Variants in BPIFA1 observed in about 807,000 individuals in gnomAD.
BPIFA1 encodes the protein BPI fold containing family A member 1, also known as BPI fold-containing family A member 1.
In BPIFA1, 24 loss-of-function variants were observed where a neutral mutation model predicts 25.1. The observed-to-expected ratio is 0.96, with a 90% CI of 0.69 to 1.35. BPIFA1 has a LOEUF of 1.35. Ranked by LOEUF, BPIFA1 falls within the 40% of genes most tolerant of loss-of-function variation. BPIFA1 has a pLI of 0.00. For synonymous variants in BPIFA1, 139 were observed against 131.8 expected, an observed-to-expected ratio of 1.05 and a Z score of -0.37; for missense variants, 344 against 303.7, an observed-to-expected ratio of 1.13 and a Z score of -0.99.
At chr20:33,241,590 T>C in intron 6 of BPIFA1, 121 bp downstream of exon 6, 4 of 846,472 alleles carry the variant, frequency 4.7e-6, no homozygotes, top group Non-Finnish European at 8.0e-6. Flanking sequence ...CATTCATCAA[T>C]CTATTTGTCC....
At chr20:33,239,076 C>T (rs142414631) in intron 3 of BPIFA1, among the ~76,000 whole-genome samples, 309 of 152,298 alleles carry the variant, frequency 2.0e-3, no homozygotes, top group African/African-American at 7.1e-3. Flanking sequence ...GGCGCAGTGG[C>T]TGGCTCAGTG....
intron 7 of BPIFA1, 96 bp downstream of exon 7, chr20:33,242,215 C>A: frequency 7.8e-7 from 1 of 1,280,106 alleles, no homozygotes; most frequent in East Asian, 2.3e-5. Flanking sequence ...TACTAGGTCC[C>A]TCTGGCCTCA....
In BPIFA1 at chr20:33,239,835, T is replaced by G; in HGVS notation, c.353T>G (p.Leu118Arg). ...IKVTDPQLLE[L>R]GLVQSPDGHR... Reference sequence around the variant, plus strand: ...GTCACTGACCCCCAGCTGCTGGAACTTGGCCTTGTGCAGAGCCCTGATGGC... The same window carrying G: ...GTCACTGACCCCCAGCTGCTGGAACGTGGCCTTGTGCAGAGCCCTGATGGC... The change falls in exon 4 of 9, where the codon CTT (leucine) becomes CGT (arginine). Residue 118 changes from leucine (L) to arginine (R), a missense_variant. Physicochemically the swap from Leu to Arg is moderately radical, Grantham distance 102. Transcript: ENST00000354297. The G allele has an allele frequency of 1.2e-6, 2 of 1,614,226 alleles. No homozygotes were observed.
chr20:33,239,010 T>C (rs1978829469), intron 3 of BPIFA1, among the ~76,000 whole-genome samples: 1 of 152,120 alleles, frequency 6.6e-6, no homozygotes, highest in Admixed American at 6.5e-5. Context: ...AAAATATAGA[T>C]TATAGAACCC....
In BPIFA1 at chr20:33,241,373, T is replaced by C. The variant is rs374734372; in HGVS notation, c.582-12T>C. ...CCAGGTCCCTGCATCACCCATGACT[T>C]TTCTCTTTCAGACTTGGCCCCCTCC... On this transcript the variant is annotated splice_polypyrimidine_tract_variant and intron_variant, in intron 5 of 8. Coordinates refer to ENST00000354297, the MANE Select transcript of BPIFA1 (RefSeq NM_130852.3). 1.9e-6 allele frequency: 3 copies of C among 1,608,810 alleles called. No individual in the cohort carries two copies. The highest frequency in any genetic ancestry group is 1.7e-6 in the Non-Finnish European group (2 of 1,175,186).
rs1466147372 is a variant in BPIFA1 at position 33,238,285 on chromosome 20, AG to A, written c.320+72del. 1.9e-3 allele frequency: 1,662 copies of A among 863,460 alleles called. 19 individuals carry two copies. In the African/African-American group the frequency reaches 0.044, roughly 23 times the overall value. The allele number at this position is 863,460 out of a possible 1,614,324, so 53.5% of individuals were successfully genotyped here. A position where few individuals can be genotyped will look rare whatever the true frequency, so the allele number is the denominator to read the frequency against. ...AGGTGAAGATCTGCCAGCCCCAGGC[AG>A]TGACCCTGAAGCAGCGACCCTGAAG... On this transcript the variant is annotated intron_variant, in intron 3 of 8. Transcript: ENST00000354297.
intron 3 of BPIFA1, 132 bp from the exon 4 acceptor site, chr20:33,239,671 A>T (rs1978859524): frequency 1.2e-6 from 1 of 857,714 alleles, no homozygotes. Flanking sequence ...AGGCTGCAAG[A>T]CTCCCCTCCC....
chr20:33,242,305 C>T (rs543487984), intron 7 of BPIFA1, among the ~76,000 whole-genome samples, 182 bp from the exon 8 acceptor site: 3 of 152,268 alleles, frequency 2.0e-5, no homozygotes, highest in South Asian at 4.1e-4. Context: ...CTGCCTCAGC[C>T]CTGACACTGA....
In BPIFA1 at chr20:33,242,084, G is replaced by A; in HGVS notation, c.695G>A (p.Arg232Lys). Residue 232 changes from arginine to lysine, a missense_variant, in exon 7 of 9, where the codon AGA (arginine) becomes AAA (lysine). Physicochemically the swap from Arg to Lys is conservative, Grantham distance 26. Transcript: ENST00000354297. ...NVCPLVNEVL[R>K]GLDITLVHDI... ...TGCCCTCTGGTCAATGAGGTTCTCA[G>A]AGGCTTGGACATCACCCTGGTGCAT... is the stretch of plus-strand genomic sequence containing the variant. 6.2e-7 allele frequency: 1 copy of A among 1,614,176 alleles called. No individual in the cohort carries two copies. Among genetic ancestry groups the A allele is most frequent in the East Asian group, 2.2e-5 (1 of 44,886 alleles).
Position 33,242,197 on chromosome 20 carries a change from C to T in BPIFA1, c.730+78C>T, listed in dbSNP as rs903796893. On this transcript the variant is annotated intron_variant, in intron 7 of 8. Transcript: ENST00000354297. ...CCCCAAGGAGTTTTTTCCCTGCACA[C>T]CCTAGGATACTAGGTCCCTCTGGCC... The T allele has an allele frequency of 4.0e-5, 57 of 1,408,310 alleles. No individual in the cohort carries two copies. The African/African-American group carries it at 5.8e-4, about 14-fold the overall frequency. The allele number at this position is 1,408,310 out of a possible 1,614,324, so 87.2% of individuals were successfully genotyped here. A position where few individuals can be genotyped will look rare whatever the true frequency, so the allele number is the denominator to read the frequency against.
In BPIFA1 at chr20:33,238,359, C is replaced by G. The variant is rs945824691; in HGVS notation, c.320+145C>G. Reference sequence around the variant, plus strand: ...TGGAGCCAGGACTCAGTTCTGAGACCCATCTCCAGTTTGGCAGGGACACCC... The same window carrying G: ...TGGAGCCAGGACTCAGTTCTGAGACGCATCTCCAGTTTGGCAGGGACACCC... On this transcript the variant is annotated intron_variant, in intron 3 of 8. Transcript: ENST00000354297. 3 of 983,490 alleles carry G rather than the reference C, an allele frequency of 3.1e-6. No homozygotes were observed. The African/African-American group carries it at 4.9e-5, about 16-fold the overall frequency. 60.9% of individuals were successfully genotyped at this position (983,490 alleles called of 1,614,324 possible).
rs766661598 is a variant in BPIFA1 at position 33,239,871 on chromosome 20, A to G, written c.389A>G (p.Tyr130Cys). ...CAGAGCCCTGATGGCCACCGTCTCT[A>G]TGTCACCATCCCTCTCGGCATAAAG... ...LVQSPDGHRL[Y>C]VTIPLGIKLQ... The change falls in exon 4 of 9, where the codon TAT (tyrosine) becomes TGT (cysteine). Residue 130 changes from tyrosine to cysteine, a missense_variant. Physicochemically the swap from Tyr to Cys is radical, Grantham distance 194. Transcript: ENST00000354297. The G allele has an allele frequency of 3.1e-6, 5 of 1,614,054 alleles. No individual in the cohort carries two copies. Among genetic ancestry groups the G allele is most frequent in the Admixed American group, 1.7e-5 (1 of 60,000 alleles).
At chr20:33,242,640 A>T (rs1979038899) in intron 8 of BPIFA1, 79 bp downstream of exon 8, 1 of 1,033,938 alleles carries the variant, frequency 9.7e-7, no homozygotes, top group African/African-American at 1.6e-5. Context: ...GGAGCTTGGG[A>T]CAATGACATC....
rs770401299 is a variant in BPIFA1, at chr20:33,238,163, G to T, written c.269G>T (p.Gly90Val). 1.1e-5 allele frequency: 17 copies of T among 1,613,912 alleles called. No homozygotes were observed. Among genetic ancestry groups the T allele is most frequent in the Non-Finnish European group, 1.4e-5 (17 of 1,179,906 alleles). Reference protein sequence around the residue: ...GGGTSGGLLGGLLGKVTSVIP... With the variant: ...GGGTSGGLLGVLLGKVTSVIP... ...GGTACTTCTGGTGGCCTCCTTGGGG[G>T]ACTGCTTGGAAAAGTGACGTCAGTG... Residue 90 changes from glycine (G) to valine (V), a missense_variant, in exon 3 of 9, where the codon GGA becomes GTA. Transcript: ENST00000354297.
In BPIFA1 at chr20:33,241,475, T is replaced by C. The variant is rs1978976461; in HGVS notation, c.666+6T>C. On this transcript the variant is annotated splice_donor_region_variant and intron_variant, in intron 6 of 8. Coordinates refer to ENST00000354297, the MANE Select transcript of BPIFA1 (RefSeq NM_130852.3). ...CTGAGTTGGTTCAGGGCAACGTAAG[T>C]AGGCAAGGTGGGGATCCCCTGATCC... The C allele has an allele frequency of 1.2e-6, 2 of 1,608,750 alleles. No individual in the cohort carries two copies. Among genetic ancestry groups the C allele is most frequent in the East Asian group, 4.5e-5 (2 of 44,866 alleles).
intron 5 of BPIFA1, 117 bp from the exon 6 acceptor site, chr20:33,241,268 A>G (rs923617628): frequency 1.1e-5 from 11 of 970,776 alleles, no homozygotes; most frequent in Non-Finnish European, 1.8e-5. Flanking sequence ...GTGTAGATAG[A>G]CAAGGCTCGG....
At chr20:33,239,767 C>G (rs763357921) in intron 3 of BPIFA1, 36 bp from the exon 4 acceptor site, 2 of 1,567,694 alleles carry the variant, frequency 1.3e-6, no homozygotes, top group Non-Finnish European at 1.8e-6. Flanking sequence ...GCTAGAGGAG[C>G]TAATGTTTCC....
chr20:33,241,505 G>A (rs112590134), intron 6 of BPIFA1, 36 bp downstream of exon 6: 2 of 1,559,510 alleles, frequency 1.3e-6, no homozygotes, highest in Non-Finnish European at 1.8e-6. Flanking sequence ...TGATCCTCAG[G>A]TTTTAGAGCT....
chr20:33,241,337 C>CCA, intron 5 of BPIFA1, 48 bp from the exon 6 acceptor site: 1 of 1,541,294 alleles, frequency 6.5e-7, no homozygotes, highest in South Asian at 1.1e-5. Context: ...GGAGACTTCT[C>CCA]CACACCATCT....
Sources: allele counts gnomAD v4.1 joint callset (sites outside exome capture counted in the v4.1 genomes callset), GRCh38; gene constraint gnomAD v4.1.1; transcripts MANE v1.5; gene names NCBI Gene and HGNC (gene_info 2026-07-23, HGNC 2026-07-21).